C12orf42: variants seen among roughly 807,000 people sequenced by gnomAD.
C12orf42 encodes chromosome 12 open reading frame 42, also known as uncharacterized protein C12orf42.
In C12orf42, 25 loss-of-function variants were observed where a neutral mutation model predicts 21.6. The observed-to-expected ratio is 1.16, with a 90% CI of 0.84 to 1.62. C12orf42 has a LOEUF of 1.62. Among genes scored for constraint, C12orf42 ranks in the 40% most tolerant of loss-of-function variants. C12orf42 has a pLI of 0.00. For missense variants in C12orf42, 483 were observed against 459.3 expected (o/e 1.05, Z -0.47); for synonymous variants, 174 against 175.0 (o/e 0.99, Z 0.05).
chr12:103,466,219 T>C (rs1953117000), intron 2 of C12orf42, among the ~76,000 whole-genome samples: 2 of 152,214 alleles, frequency 1.3e-5, no homozygotes, highest in South Asian at 4.1e-4. Context: ...TTTAACTCCA[T>C]CTGGTCCTGG....
At chr12:103,422,925 T>C (rs1258242998) in intron 2 of C12orf42, among the ~76,000 whole-genome samples, 1 of 152,140 alleles carries the variant, frequency 6.6e-6, no homozygotes, top group Non-Finnish European at 1.5e-5. Flanking sequence ...GCATACTGTG[T>C]ATTTTCCCTG....
chr12:103,540,568 G>A, the C12orf42 span, among the ~76,000 whole-genome samples: 1 of 152,100 alleles, frequency 6.6e-6, no homozygotes, highest in Non-Finnish European at 1.5e-5. Context: ...ATTTCTCATA[G>A]TGTTTTTTGC....
At chr12:103,395,422 G>A (rs1239409936) in intron 3 of C12orf42, among the ~76,000 whole-genome samples, 1 of 149,382 alleles carries the variant, frequency 6.7e-6, no homozygotes, top group South Asian at 2.1e-4. Flanking sequence ...CGCAAGCTCC[G>A]CCTCCCGGGT....
intron 10 of C12orf42, among the ~76,000 whole-genome samples, chr12:103,255,825 G>A (rs780456044): frequency 2.0e-5 from 3 of 150,870 alleles, no homozygotes; most frequent in Non-Finnish European, 3.0e-5. Flanking sequence ...GCCGAGGCGG[G>A]TGGATCACGA....
chr12:103,523,938 A>C, the C12orf42 span, among the ~76,000 whole-genome samples: 4 of 152,052 alleles, frequency 2.6e-5, no homozygotes, highest in African/African-American at 4.8e-5. Flanking sequence ...GCCATCATTC[A>C]CTCACTGAAT....
chr12:103,222,110 T>C, the C12orf42 span, among the ~76,000 whole-genome samples: 50 of 152,292 alleles, frequency 3.3e-4, no homozygotes, highest in Middle Eastern at 3.4e-3. Flanking sequence ...GCAGCCACCA[T>C]GTTTTTCATG....
the C12orf42 span, among the ~76,000 whole-genome samples, chr12:103,152,372 A>G: frequency 1.3e-5 from 2 of 152,226 alleles, no homozygotes; most frequent in African/African-American, 4.8e-5. Context: ...AGTACCTAAA[A>G]ATCTATAGAG....
intron 2 of C12orf42, among the ~76,000 whole-genome samples, chr12:103,418,640 T>C (rs550114626): frequency 6.6e-6 from 1 of 152,222 alleles, no homozygotes; most frequent in South Asian, 2.1e-4. Context: ...AATTTATCAT[T>C]CCTGTATCGC....
the C12orf42 span, among the ~76,000 whole-genome samples, chr12:103,151,496 A>G: frequency 1.2e-4 from 18 of 152,320 alleles, no homozygotes; most frequent in Middle Eastern, 3.4e-3. Flanking sequence ...AATTAAGTTC[A>G]AATATATAAA....
intron 2 of C12orf42, among the ~76,000 whole-genome samples, chr12:103,413,847 G>C (rs1344092665): frequency 6.6e-6 from 1 of 152,020 alleles, no homozygotes; most frequent in African/African-American, 2.4e-5. Flanking sequence ...ATTCCATGGT[G>C]TGTGTGTGTA....
chr12:103,474,813 A>G lies in C12orf42; in HGVS notation c.78+3536T>C, dbSNP rs575624327. On this transcript the variant is annotated intron_variant, in intron 2 of 5. Coordinates refer to ENST00000548883, the MANE Select transcript of C12orf42 (RefSeq NM_198521.5). ...ACAAAATCAACAGTGCTACATGTTC[A>G]TGGGTTCTGCCTTCATGAACTGTGG... 5.9e-5 allele frequency among the ~76,000 whole-genome samples: 9 copies of G among 152,198 alleles called. No individual in the cohort carries two copies. The East Asian group carries it at 1.7e-3, about 29-fold the overall frequency.
At chr12:103,147,503 C>CTTTTTTTT in the C12orf42 span, among the ~76,000 whole-genome samples, 108 of 99,912 alleles carry the variant, frequency 1.1e-3, no homozygotes, top group East Asian at 5.2e-3. Context: ...CTTTTTTTTT[C>CTTTTTTTT]TTTTTTTTTT....
At chr12:103,148,548 T>C in the C12orf42 span, among the ~76,000 whole-genome samples, 272 of 152,298 alleles carry the variant, frequency 1.8e-3, no homozygotes, top group African/African-American at 6.2e-3. Flanking sequence ...CTCTGGACCA[T>C]GGAGTGAGCA....
chr12:103,554,137 T>C, the C12orf42 span, among the ~76,000 whole-genome samples: 3 of 152,156 alleles, frequency 2.0e-5, no homozygotes, highest in Non-Finnish European at 2.9e-5. Flanking sequence ...GTTCTGTGGA[T>C]AGAGCTCCAA....
chr12:103,365,425 T>C (rs773819598), intron 4 of C12orf42, among the ~76,000 whole-genome samples: 108 of 152,078 alleles, frequency 7.1e-4, no homozygotes, highest in Non-Finnish European at 1.1e-3. Context: ...AAGACAAGGA[T>C]GCCCACTCTC....
the C12orf42 span, among the ~76,000 whole-genome samples, chr12:103,162,176 C>T: frequency 6.6e-6 from 1 of 152,192 alleles, no homozygotes; most frequent in East Asian, 1.9e-4. Context: ...GTCCTATGTC[C>T]CTTGAGAGTG....
chr12:103,170,063 T>C, the C12orf42 span, among the ~76,000 whole-genome samples: 1 of 152,258 alleles, frequency 6.6e-6, no homozygotes, highest in East Asian at 1.9e-4. Context: ...GACACCAGTG[T>C]AGTACTCCAG....
the C12orf42 span, among the ~76,000 whole-genome samples, chr12:103,556,970 G>A: frequency 6.6e-6 from 1 of 151,720 alleles, no homozygotes; most frequent in Non-Finnish European, 1.5e-5. Context: ...AGCAAGGAAG[G>A]ATCCTCCCAC....
chr12:103,236,752 A>G (rs2033479527), downstream of C12orf42, among the ~76,000 whole-genome samples: 1 of 152,166 alleles, frequency 6.6e-6, no homozygotes, highest in African/African-American at 2.4e-5. Context: ...CTGTGAATGA[A>G]CCTGCTTTTT....
Sources: gnomAD v4.1 joint callset for allele counts (sites outside exome capture counted in the v4.1 genomes callset) on GRCh38, gnomAD v4.1.1 for gene constraint, MANE v1.5 for transcripts, NCBI Gene and HGNC (gene_info 2026-07-23, HGNC 2026-07-21) for gene names.